Variants in NFATC2 observed in about 807,000 individuals in gnomAD.
The protein encoded by NFATC2 is nuclear factor of activated T cells 2.
A neutral mutation model predicts 87.3 loss-of-function variants in NFATC2; 22 were observed. The observed-to-expected ratio is 0.25, with a 90% CI of 0.18 to 0.36. The LOEUF is 0.36. Ranked by LOEUF, NFATC2 falls within the 10% of genes least tolerant of loss-of-function variation. The probability of loss-of-function intolerance (pLI) is 1.00; values close to 1 mark genes in which losing one functional copy is unlikely to be tolerated. For missense variants in NFATC2, 1,149 were observed against 1,259.1 expected (o/e 0.91, Z 1.32); for synonymous variants, 565 against 542.2 (o/e 1.04, Z -0.58).
At chr20:51,460,548 T>G (rs1987030181) in intron 5 of NFATC2, among the ~76,000 whole-genome samples, 2 of 151,934 alleles carry the variant, frequency 1.3e-5, no homozygotes, top group South Asian at 4.2e-4. Flanking sequence ...TTAGCATATA[T>G]GTACCAAACA....
At chr20:51,414,863 G>C (rs1979817903) in intron 9 of NFATC2, among the ~76,000 whole-genome samples, 1 of 152,122 alleles carries the variant, frequency 6.6e-6, no homozygotes. Flanking sequence ...GCCCCAACCA[G>C]AACAGAAAGG....
intron 9 of NFATC2, among the ~76,000 whole-genome samples, chr20:51,430,840 C>T (rs770086090): frequency 2.0e-5 from 3 of 152,170 alleles, no homozygotes; most frequent in Non-Finnish European, 4.4e-5. Flanking sequence ...GCTTTACTTC[C>T]TACCCCTTGG....
intron 3 of NFATC2, among the ~76,000 whole-genome samples, chr20:51,488,016 G>T (rs924032748): frequency 1.4e-4 from 21 of 152,056 alleles, no homozygotes; most frequent in Non-Finnish European, 2.5e-4. Flanking sequence ...TCAACAAAAC[G>T]CATCATTCAG....
At chr20:51,418,343 G>A (rs530011624) in intron 9 of NFATC2, among the ~76,000 whole-genome samples, 3 of 152,196 alleles carry the variant, frequency 2.0e-5, no homozygotes, top group Non-Finnish European at 2.9e-5. Context: ...GGGGATACTT[G>A]GCAGTATCTG....
At chr20:51,423,115 C>T (rs1335910228) in intron 9 of NFATC2, among the ~76,000 whole-genome samples, 3 of 151,802 alleles carry the variant, frequency 2.0e-5, no homozygotes, top group Non-Finnish European at 4.4e-5. Context: ...TAGCAAGACC[C>T]TGTGTCTCTA....
chr20:51,457,160 T>C (rs907086852), intron 5 of NFATC2, among the ~76,000 whole-genome samples: 2 of 152,246 alleles, frequency 1.3e-5, no homozygotes, highest in African/African-American at 2.4e-5. Flanking sequence ...GACTTCCTAA[T>C]TGAGCTGCCA....
intron 6 of NFATC2, among the ~76,000 whole-genome samples, chr20:51,438,062 G>A (rs1983819461): frequency 2.6e-5 from 4 of 152,220 alleles, no homozygotes; most frequent in Admixed American, 2.0e-4. Context: ...TCGAGGAATT[G>A]GAAGTGAAGT....
At chr20:51,511,551 T>G (rs113066056) in intron 3 of NFATC2, among the ~76,000 whole-genome samples, 92 of 152,328 alleles carry the variant, frequency 6.0e-4, no homozygotes, top group Non-Finnish European at 9.7e-4. Context: ...AAAGAGAACT[T>G]GCAATCTTCC....
chr20:51,415,817 C>T (rs1024949375), intron 9 of NFATC2, among the ~76,000 whole-genome samples: 1 of 152,182 alleles, frequency 6.6e-6, no homozygotes, highest in African/African-American at 2.4e-5. Context: ...TCCATTCCTC[C>T]TCCTCCTTTC....
intron 9 of NFATC2, among the ~76,000 whole-genome samples, chr20:51,406,833 C>T (rs1037146020): frequency 1.3e-5 from 2 of 152,204 alleles, no homozygotes; most frequent in African/African-American, 4.8e-5. Context: ...CCAAGGGTGA[C>T]AGGAGTCAGT....
intron 5 of NFATC2, among the ~76,000 whole-genome samples, chr20:51,462,374 A>G (rs986210566): frequency 2.0e-5 from 3 of 152,036 alleles, no homozygotes; most frequent in African/African-American, 7.3e-5. Context: ...TGAACCCGGT[A>G]GGCAGAAGTT....
At chr20:51,560,364 C>T (rs139864431) in intron 1 of NFATC2, among the ~76,000 whole-genome samples, 74 of 152,110 alleles carry the variant, frequency 4.9e-4, no homozygotes, top group Non-Finnish European at 9.1e-4. Flanking sequence ...TGGGAGAGAA[C>T]AAAGCTCACC....
chr20:51,439,611 G>A (rs6512724), intron 6 of NFATC2, among the ~76,000 whole-genome samples: 21,832 of 152,116 alleles, frequency 0.14, 1,866 homozygotes, highest in East Asian at 0.35. Flanking sequence ...CCCATGGGGG[G>A]CAGGGGGAAA....
rs906891405 is a variant in NFATC2, at chr20:51,389,528, C to T, written c.*1968G>A. ...ATTTTGTTCATGAGGAAGTATTTAG[C>T]ATCCCAGAAGTTCCATGGTAGGGGT... On this transcript the variant is annotated 3_prime_UTR_variant, in exon 11 of 11. Coordinates refer to ENST00000371564, the MANE Select transcript of NFATC2 (RefSeq NM_012340.5). 6 of 152,202 alleles carry T rather than the reference C, an allele frequency of 3.9e-5. No individual in the cohort carries two copies. The highest frequency in any genetic ancestry group is 1.3e-4 in the Admixed American group (2 of 15,278). 9.4% of individuals were successfully genotyped at this position (152,202 alleles called of 1,614,324 possible). A position where few individuals can be genotyped will look rare whatever the true frequency, so the allele number is the denominator to read the frequency against.
intron 1 of NFATC2, among the ~76,000 whole-genome samples, chr20:51,560,963 C>A (rs757251605): frequency 4.6e-5 from 7 of 152,188 alleles, no homozygotes; most frequent in Non-Finnish European, 1.0e-4. Flanking sequence ...CTCTCTCTCT[C>A]TCTTTCCAAA....
At chr20:51,540,647 G>GTTTTTTTGTTTTTTTTTTTT (rs2076793412) in intron 1 of NFATC2, among the ~76,000 whole-genome samples, 3 of 112,974 alleles carry the variant, frequency 2.7e-5, no homozygotes, top group African/African-American at 1.3e-4. Context: ...AAAAACTGAA[G>GTTTTTTTGTTTTTTTTTTTT]TTTTTTTTTT....
At chr20:51,469,578 T>G (rs114068980) in intron 5 of NFATC2, among the ~76,000 whole-genome samples, 84 of 152,252 alleles carry the variant, frequency 5.5e-4, no homozygotes, top group African/African-American at 1.9e-3. Flanking sequence ...GTACCTTATT[T>G]GGAACCAGGG....
intron 3 of NFATC2, among the ~76,000 whole-genome samples, chr20:51,491,850 C>T (rs1048005226): frequency 1.4e-5 from 2 of 146,008 alleles, no homozygotes; most frequent in African/African-American, 5.2e-5. Context: ...GAGAACAGCC[C>T]CACCCCCACC....
Position 51,524,133 on chromosome 20 carries a change from G to A in NFATC2, c.131-23C>T. 1 of 1,436,186 alleles carries A rather than the reference G, an allele frequency of 7.0e-7. No homozygotes were observed. Among genetic ancestry groups the A allele is most frequent in the African/African-American group, 1.5e-5 (1 of 67,372 alleles). 89.0% of individuals were successfully genotyped at this position (1,436,186 alleles called of 1,614,324 possible). On this transcript the variant is annotated intron_variant, in intron 1 of 10. Transcript: ENST00000371564. This position sits in a 1 kb window ranked among gnomAD's most constrained non-coding sequence, Gnocchi z 4.0. ...CTTCTGGAAAGAGAAGGGGGAAGGGGGTTCTTTTTAAGCCTCAAAAACAGA... is the reference window on the plus strand; with the variant it reads ...CTTCTGGAAAGAGAAGGGGGAAGGGAGTTCTTTTTAAGCCTCAAAAACAGA...
Sources: gnomAD v4.1 joint callset for allele counts (sites outside exome capture counted in the v4.1 genomes callset) on GRCh38, gnomAD v4.1.1 for gene constraint, Gnocchi (gnomAD v3.1) non-coding constraint, MANE v1.5 for transcripts, NCBI Gene and HGNC (gene_info 2026-07-23, HGNC 2026-07-21) for gene names.